RBFOX1: variants seen among roughly 807,000 people sequenced by gnomAD.
RBFOX1 encodes the protein RNA binding fox-1 homolog 1.
A neutral mutation model predicts 57.7 loss-of-function variants in RBFOX1; 8 were observed. The observed-to-expected ratio is 0.14, with a 90% CI of 0.08 to 0.25. The LOEUF is 0.25. RBFOX1 is among the 10% of genes least tolerant of loss of function. The probability of loss-of-function intolerance (pLI) is 1.00; values close to 1 mark genes in which losing one functional copy is unlikely to be tolerated. For synonymous variants in RBFOX1, 326 were observed against 222.4 expected, an observed-to-expected ratio of 1.47 and a Z score of -4.15; for missense variants, 611 against 548.5, an observed-to-expected ratio of 1.11 and a Z score of -1.14.
intron 5 of RBFOX1, among the ~76,000 whole-genome samples, chr16:7,542,997 G>A (rs1601410241): frequency 6.6e-6 from 1 of 152,246 alleles, no homozygotes; most frequent in East Asian, 1.9e-4. Context: ...GTGTGGCCCT[G>A]TCCACCGCTC....
At chr16:7,261,859 T>C (rs767990334) in intron 4 of RBFOX1, among the ~76,000 whole-genome samples, 1 of 152,182 alleles carries the variant, frequency 6.6e-6, no homozygotes, top group Non-Finnish European at 1.5e-5. Context: ...GATTCATTTG[T>C]TCAGGAGGCA....
intron 4 of RBFOX1, among the ~76,000 whole-genome samples, chr16:7,197,998 C>CTTTCTTTTTTTT (rs61556349): frequency 5.4e-5 from 3 of 55,594 alleles, no homozygotes; most frequent in Admixed American, 2.7e-4. Flanking sequence ...TTCTTTCTTT[C>CTTTCTTTTTTTT]TTTTTTTTTT....
intron 3 of RBFOX1, among the ~76,000 whole-genome samples, chr16:6,968,607 C>G (rs1038527825): frequency 6.6e-6 from 1 of 151,372 alleles, no homozygotes; most frequent in Non-Finnish European, 1.5e-5. Flanking sequence ...TTCCTCCCAT[C>G]CTGTCAGTTT....
chr16:7,457,213 C>G (rs369018583), intron 4 of RBFOX1, among the ~76,000 whole-genome samples: 1 of 151,994 alleles, frequency 6.6e-6, no homozygotes, highest in East Asian at 1.9e-4. Context: ...ATCACTCATA[C>G]AGCGGGTCCA....
chr16:6,984,500 C>G (rs1359508433), intron 3 of RBFOX1, among the ~76,000 whole-genome samples: 1 of 152,090 alleles, frequency 6.6e-6, no homozygotes, highest in African/African-American at 2.4e-5. Context: ...TACTTGCAGC[C>G]TAAAGTCTCC....
chr16:5,874,111 G>T (rs2057544717), intron 4 of RBFOX1, among the ~76,000 whole-genome samples: 1 of 152,168 alleles, frequency 6.6e-6, no homozygotes, highest in Admixed American at 6.5e-5. Flanking sequence ...AGGAAACAGG[G>T]TCAGGACCCA....
At chr16:6,305,861 C>T (rs2079447247) in intron 1 of RBFOX1, among the ~76,000 whole-genome samples, 1 of 151,986 alleles carries the variant, frequency 6.6e-6, no homozygotes, top group Non-Finnish European at 1.5e-5. Flanking sequence ...ATGCACTTGC[C>T]TCTGAATATC....
intron 3 of RBFOX1, among the ~76,000 whole-genome samples, chr16:5,787,071 T>A (rs1340864301): frequency 2.6e-5 from 4 of 151,996 alleles, no homozygotes; most frequent in African/African-American, 9.7e-5. Context: ...GAGGTGGAGG[T>A]TGCAGTGTGC....
chr16:6,976,929 A>T (rs1233068286), intron 3 of RBFOX1, among the ~76,000 whole-genome samples: 2 of 133,114 alleles, frequency 1.5e-5, no homozygotes, highest in Admixed American at 1.5e-4. Context: ...ATTGTATATT[A>T]TATATATCAT....
chr16:7,449,074 C>T (rs1403014088), intron 4 of RBFOX1, among the ~76,000 whole-genome samples: 1 of 151,878 alleles, frequency 6.6e-6, no homozygotes, highest in African/African-American at 2.4e-5. Flanking sequence ...GGATTACAGG[C>T]ATGCACCAGC....
At chr16:5,564,673 C>T (rs998079266) in intron 2 of RBFOX1, among the ~76,000 whole-genome samples, 1 of 152,094 alleles carries the variant, frequency 6.6e-6, no homozygotes, top group Non-Finnish European at 1.5e-5. Flanking sequence ...TGACTTGGAA[C>T]CTCTCCAGGC....
intron 1 of RBFOX1, among the ~76,000 whole-genome samples, chr16:6,257,905 A>C (rs1257110146): frequency 6.6e-6 from 1 of 152,138 alleles, no homozygotes; most frequent in Non-Finnish European, 1.5e-5. Flanking sequence ...GTGTCTTTAT[A>C]CTAGAATGAT....
At chr16:7,304,425 C>T (rs866016915) in intron 4 of RBFOX1, 2 of 985,208 alleles carry the variant, frequency 2.0e-6, no homozygotes, top group Non-Finnish European at 2.4e-6. Context: ...GCGTGGCGCT[C>T]CCCAACGTGG....
At chr16:6,053,970 C>T (rs1356919597) in intron 1 of RBFOX1, among the ~76,000 whole-genome samples, 3 of 152,032 alleles carry the variant, frequency 2.0e-5, no homozygotes, top group African/African-American at 4.8e-5. Flanking sequence ...GTGGGAGGAT[C>T]GCTTGAGCCC....
intron 1 of RBFOX1, among the ~76,000 whole-genome samples, chr16:6,082,675 A>G (rs1458691576): frequency 6.6e-6 from 1 of 152,072 alleles, no homozygotes; most frequent in Non-Finnish European, 1.5e-5. Context: ...CTTTGCTTTG[A>G]TTAGTTAGAA....
intron 4 of RBFOX1, among the ~76,000 whole-genome samples, chr16:7,339,111 C>G (rs750246938): frequency 6.6e-6 from 1 of 152,190 alleles, no homozygotes; most frequent in Non-Finnish European, 1.5e-5. Context: ...TATATAGGCT[C>G]TGGCATTTAC....
intron 4 of RBFOX1, among the ~76,000 whole-genome samples, chr16:5,980,156 C>T (rs1327116177): frequency 1.3e-5 from 2 of 152,218 alleles, no homozygotes; most frequent in South Asian, 2.1e-4. Flanking sequence ...ATAAACAATT[C>T]TGTTTATTTA....
At chr16:7,058,025 C>T (rs572052715) in intron 4 of RBFOX1, among the ~76,000 whole-genome samples, 5 of 99,378 alleles carry the variant, frequency 5.0e-5, no homozygotes, top group Non-Finnish European at 9.5e-5. Flanking sequence ...AAAAAAAACA[C>T]GAAAACCACC....
rs554099438 is a variant in RBFOX1 at position 5,529,830 on chromosome 16, A to G, written c.258+62576A>G. On this transcript the variant is annotated intron_variant, in intron 2 of 2. Transcript: ENST00000585867. ...TGATCCACCCACCTCAGATTCCCAA[A>G]GTGCTGGAATTACAGGCATGAGCCA... 7.2e-5 allele frequency among the ~76,000 whole-genome samples: 11 copies of G among 152,184 alleles called. No homozygotes were observed. In the South Asian group the frequency reaches 1.5e-3, roughly 20 times the overall value.
Sources: gnomAD v4.1 joint callset for allele counts (sites outside exome capture counted in the v4.1 genomes callset) on GRCh38, gnomAD v4.1.1 for gene constraint, MANE v1.5 for transcripts, NCBI Gene and HGNC (gene_info 2026-07-23, HGNC 2026-07-21) for gene names.